MBP: variants seen among roughly 807,000 people sequenced by gnomAD.
MBP encodes Golli-MBP.
A neutral mutation model predicts 35.8 loss-of-function variants in MBP; 16 were observed. The observed-to-expected ratio is 0.45, with a 90% CI of 0.30 to 0.68. MBP has a LOEUF of 0.68. MBP is among the 30% of genes least tolerant of loss of function. MBP has a pLI of 0.08. For synonymous variants in MBP, 143 were observed against 159.6 expected, an observed-to-expected ratio of 0.90 and a Z score of 0.78; for missense variants, 380 against 404.7, an observed-to-expected ratio of 0.94 and a Z score of 0.52.
chr18:77,003,691 T>A (rs1238126970), intron 4 of MBP: 3 of 152,228 alleles, frequency 2.0e-5, no homozygotes, highest in African/African-American at 7.2e-5. Context: ...TTAGGAATCG[T>A]AAAATGTAGT....
chr18:77,029,792 A>C (rs1972473993), intron 3 of MBP, among the ~76,000 whole-genome samples: 1 of 125,754 alleles, frequency 8.0e-6, no homozygotes, highest in African/African-American at 2.6e-5. Context: ...ACACACACAC[A>C]AACACACACA....
intron 3 of MBP, among the ~76,000 whole-genome samples, chr18:77,041,766 T>C (rs1267834993): frequency 2.1e-4 from 24 of 113,128 alleles, no homozygotes; most frequent in Admixed American, 4.0e-4. Flanking sequence ...CATCACACAC[T>C]GGGACCTGTT....
At chr18:77,061,272 T>C (rs528453034) in intron 3 of MBP, among the ~76,000 whole-genome samples, 1 of 152,294 alleles carries the variant, frequency 6.6e-6, no homozygotes, top group African/African-American at 2.4e-5. Context: ...TTGACTACCA[T>C]GTGACTCTTT....
intron 3 of MBP, among the ~76,000 whole-genome samples, chr18:77,028,733 C>A (rs1972370281): frequency 1.0e-5 from 1 of 99,586 alleles, no homozygotes; most frequent in Non-Finnish European, 2.7e-5. Context: ...GACGGGGCGG[C>A]TGGCCAGGCG....
chr18:77,094,167 G>T (rs1385400809), intron 2 of MBP, among the ~76,000 whole-genome samples: 1 of 152,026 alleles, frequency 6.6e-6, no homozygotes, highest in Non-Finnish European at 1.5e-5. Context: ...ATAGAGATGG[G>T]TTTTCACCAT....
intron 1 of MBP, among the ~76,000 whole-genome samples, chr18:77,118,811 G>A (rs974822685): frequency 1.6e-5 from 2 of 128,648 alleles, no homozygotes; most frequent in African/African-American, 3.0e-5. Context: ...CACACTATAC[G>A]CACACCACAC....
rs200026518 is a variant in MBP, at chr18:77,122,228, G to GT, written c.-26+10351dup. On this transcript the variant is annotated intron_variant, in intron 1 of 8. Coordinates refer to ENST00000355994, the MANE Select transcript of MBP (RefSeq NM_001025101.2). Reference sequence around the variant, plus strand: ...GTTTTAACAGTTTTCCAGAACAGACGTTTGCAATGTAGCATTTAAGCCCCT... The same window carrying GT: ...GTTTTAACAGTTTTCCAGAACAGACGTTTTGCAATGTAGCATTTAAGCCCCT... Among the ~76,000 whole-genome samples the GT allele has an allele frequency of 4.8e-3, 735 of 152,272 alleles. 9 individuals are homozygous for GT. Among genetic ancestry groups the GT allele is most frequent in the African/African-American group, 0.017 (700 of 41,530 alleles).
intron 8 of MBP, chr18:76,982,963 A>ACT (rs1395177721): frequency 5.9e-5 from 9 of 152,272 alleles, no homozygotes. Context: ...TTATTTCAGG[A>ACT]AACACATGTG....
rs1008099798 is a variant in MBP, at chr18:77,001,293, C to T, written c.577-11233G>A. On this transcript the variant is annotated intron_variant, in intron 4 of 8. Transcript: ENST00000355994. ...CTGCCATCCCAGGCTGGGGTGTGCC[C>T]GCGTTTCTCTTCCAGAGGAGAGTAA... is the stretch of plus-strand genomic sequence containing the variant. Among the ~76,000 whole-genome samples, 11 of 152,354 alleles carry T rather than the reference C, an allele frequency of 7.2e-5. No individual in the cohort carries two copies. The East Asian group carries it at 1.9e-3, about 27-fold the overall frequency.
intron 1 of MBP, among the ~76,000 whole-genome samples, chr18:77,123,630 G>A (rs1976954764): frequency 6.6e-6 from 1 of 152,204 alleles, no homozygotes; most frequent in African/African-American, 2.4e-5. Flanking sequence ...ATGCCAGGGT[G>A]GGCCTAGGAC....
In MBP at chr18:76,988,623, A is replaced by G; in HGVS notation, c.718-96T>C. 1 of 1,533,736 alleles carries G rather than the reference A, an allele frequency of 6.5e-7. No individual in the cohort carries two copies. The highest frequency in any genetic ancestry group is 1.3e-5 in the South Asian group (1 of 78,018). On this transcript the variant is annotated intron_variant, in intron 6 of 8. Coordinates refer to ENST00000355994, the MANE Select transcript of MBP (RefSeq NM_001025101.2). The surrounding 1 kb of genome is among the most constrained non-coding windows in gnomAD (Gnocchi z 5.2). ...ACACAGTCAAAGCACAGTGGAGCTG[A>G]GGTGGTAAAAACAGGTTCCACCCGG...
chr18:77,130,013 C>T (rs371750170), intron 1 of MBP, among the ~76,000 whole-genome samples: 18 of 147,774 alleles, frequency 1.2e-4, no homozygotes, highest in African/African-American at 4.3e-4. Flanking sequence ...TGCACCACTG[C>T]ACTCCAGCCT....
At position 77,073,207 on chromosome 18, in the gene MBP, A is replaced by G. The variant is rs372161624; in HGVS notation, c.52-6822T>C. Among the ~76,000 whole-genome samples the G allele has an allele frequency of 3.3e-5, 5 of 152,272 alleles. No individual in the cohort carries two copies. The South Asian group carries it at 6.2e-4, about 19-fold the overall frequency. On this transcript the variant is annotated intron_variant, in intron 2 of 8. Coordinates refer to ENST00000355994, the MANE Select transcript of MBP (RefSeq NM_001025101.2). ...ATATTTTTGCTCTCTTTAAATTTTT[A>G]TAAGTATTTTATATGTATATATATA...
In MBP at chr18:76,988,701, A is replaced by C; in HGVS notation, c.718-174T>G. ...GCCACAGCGGCTGTGCAGGTGCGGG[A>C]GGGACAGGAGGGGTGCATGGATCTG... On this transcript the variant is annotated intron_variant, in intron 6 of 8. Transcript: ENST00000355994. The surrounding 1 kb of genome is among the most constrained non-coding windows in gnomAD (Gnocchi z 5.2). 7.4e-7 allele frequency: 1 copy of C among 1,354,534 alleles called. No individual in the cohort carries two copies. The highest frequency in any genetic ancestry group is 1.0e-6 in the Non-Finnish European group (1 of 992,804). The allele number at this position is 1,354,534 out of a possible 1,614,324, so 83.9% of individuals were successfully genotyped here.
At position 76,980,386 on chromosome 18, in the gene MBP, A is replaced by T. The variant is rs371134243; in HGVS notation, c.*41T>A. On this transcript the variant is annotated 3_prime_UTR_variant, in exon 9 of 9. Transcript: ENST00000355994. ...GGGATTAAAGTTTTAAGGCAGTTAT[A>T]TTAAGAAGCTGAGGACAGGATTCCG... 3.8e-6 allele frequency: 6 copies of T among 1,587,172 alleles called. No individual in the cohort carries two copies. Among genetic ancestry groups the T allele is most frequent in the Middle Eastern group, 1.7e-4 (1 of 6,006 alleles).
At chr18:77,028,135 C>T (rs1405366679) in intron 3 of MBP, among the ~76,000 whole-genome samples, 23 of 148,444 alleles carry the variant, frequency 1.5e-4, no homozygotes, top group East Asian at 5.9e-4. Context: ...GAGGACCCTG[C>T]GGCCTTCCGC....
chr18:77,062,854 AC>A (rs1366483696), intron 3 of MBP, among the ~76,000 whole-genome samples: 1 of 152,192 alleles, frequency 6.6e-6, no homozygotes, highest in East Asian at 1.9e-4. Flanking sequence ...TTGCCTTTCG[AC>A]GTTCACAGAG....
chr18:77,038,110 A>C (rs1311803103), intron 3 of MBP, among the ~76,000 whole-genome samples: 1 of 152,232 alleles, frequency 6.6e-6, no homozygotes, highest in East Asian at 1.9e-4. Flanking sequence ...AAGACTTCTC[A>C]ATGAATCTGC....
chr18:77,101,174 G>T lies in MBP; in HGVS notation c.51+4037C>A, dbSNP rs903914122. 6.6e-6 allele frequency among the ~76,000 whole-genome samples: 1 copy of T among 152,222 alleles called. No homozygotes were observed. The highest frequency in any genetic ancestry group is 1.5e-5 in the Non-Finnish European group (1 of 68,026). ...GCCTAAGACAGGGCATCCCTCTGTGGGTGGGTCTTGCCCCCTGCCCCTCTC... is the reference window on the plus strand; with the variant it reads ...GCCTAAGACAGGGCATCCCTCTGTGTGTGGGTCTTGCCCCCTGCCCCTCTC... On this transcript the variant is annotated intron_variant, in intron 2 of 8. Transcript: ENST00000355994. This position sits in a 1 kb window ranked among gnomAD's most constrained non-coding sequence, Gnocchi z 4.3.
Sources: gnomAD v4.1 joint callset for allele counts (sites outside exome capture counted in the v4.1 genomes callset) on GRCh38, gnomAD v4.1.1 for gene constraint, Gnocchi (gnomAD v3.1) non-coding constraint, MANE v1.5 for transcripts, NCBI Gene and HGNC (gene_info 2026-07-23, HGNC 2026-07-21) for gene names.